Variants in MYCBP2 observed in about 807,000 individuals in gnomAD.
MYCBP2 encodes E3 ubiquitin-protein ligase MYCBP2.
MYCBP2 carries 120 observed loss-of-function variants against 525.3 expected under a neutral mutation model. The ratio of observed to expected loss-of-function variants is 0.23; its 90% CI spans 0.20 to 0.27. The LOEUF (loss-of-function observed/expected upper bound fraction) is 0.27, where lower values mean the gene tolerates loss of function less well. Ranked by LOEUF, MYCBP2 falls within the 10% of genes least tolerant of loss-of-function variation. The pLI, the probability that MYCBP2 is intolerant of heterozygous loss-of-function variation, is 1.00. For missense variants in MYCBP2, 4,149 were observed against 5,657.1 expected, an observed-to-expected ratio of 0.73 and a Z score of 8.55; for synonymous variants, 1,894 against 1,955.8, an observed-to-expected ratio of 0.97 and a Z score of 0.83.
At chr13:77,111,554 A>G (rs996420575) in intron 55 of MYCBP2, among the ~76,000 whole-genome samples, 3 of 150,828 alleles carry the variant, frequency 2.0e-5, no homozygotes, top group Admixed American at 6.7e-5. Flanking sequence ...GTAGCCAGGA[A>G]TATAGGTGCA....
At position 77,165,268 on chromosome 13, in the gene MYCBP2, C is replaced by T; in HGVS notation, c.6459+5G>A. The T allele has an allele frequency of 6.3e-7, 1 of 1,576,004 alleles. No homozygotes were observed. Among genetic ancestry groups the T allele is most frequent in the Non-Finnish European group, 8.7e-7 (1 of 1,148,994 alleles). On this transcript the variant is annotated splice_donor_5th_base_variant and intron_variant, in intron 42 of 82. Transcript: ENST00000544440. ...TAAAAGAATGAAAAGATAATTCATT[C>T]TTACCTCATCAGGTCCAGGGCTAAA...
chr13:77,175,103 G>A (rs28522795), intron 36 of MYCBP2, among the ~76,000 whole-genome samples: 107,597 of 147,400 alleles, frequency 0.73, 40,606 homozygotes, highest in Middle Eastern at 0.85. Context: ...TAATTTTTTA[G>A]GGTGTTTCTG....
chr13:77,166,358 C>A lies in MYCBP2; in HGVS notation c.6311G>T (p.Gly2104Val). 6.2e-7 allele frequency: 1 copy of A among 1,613,352 alleles called. No individual in the cohort carries two copies. The highest frequency in any genetic ancestry group is 8.5e-7 in the Non-Finnish European group (1 of 1,179,686). The change falls in exon 41 of 83, where the codon GGG becomes GTG. Residue 2104 changes from glycine (G) to valine (V), a missense_variant. This residue lies in a region of MYCBP2 where 692 missense variants were observed against 852.7 expected (regional missense o/e 0.81). Coordinates refer to ENST00000544440, the MANE Select transcript of MYCBP2 (RefSeq NM_015057.5). ...IELKKFSGSS[G>V]WPTMVLVLPG... ...CAACACCAAAACCATAGTAGGCCACCCAGAGGATCCTGAAAATTTCTTTAA... is the reference window on the plus strand; with the variant it reads ...CAACACCAAAACCATAGTAGGCCACACAGAGGATCCTGAAAATTTCTTTAA...
chr13:77,262,667 T>C (rs1170518923), intron 10 of MYCBP2, among the ~76,000 whole-genome samples: 1 of 151,948 alleles, frequency 6.6e-6, no homozygotes, highest in Non-Finnish European at 1.5e-5. Flanking sequence ...CTTATATAGC[T>C]ACTCCATCAA....
chr13:77,241,004 T>C (rs2068737718), intron 17 of MYCBP2, among the ~76,000 whole-genome samples: 1 of 152,226 alleles, frequency 6.6e-6, no homozygotes, highest in Non-Finnish European at 1.5e-5. Context: ...GGACTGCAGA[T>C]GAAACCTATT....
At chr13:77,228,055 TTA>T (rs550612805) in intron 18 of MYCBP2, among the ~76,000 whole-genome samples, 244 of 151,816 alleles carry the variant, frequency 1.6e-3, no homozygotes, top group Non-Finnish European at 2.6e-3. Context: ...AATATATATT[TTA>T]TATATATATC....
chr13:77,253,439 C>A (rs2071570316), intron 14 of MYCBP2, among the ~76,000 whole-genome samples: 1 of 151,852 alleles, frequency 6.6e-6, no homozygotes, highest in East Asian at 1.9e-4. Context: ...CAAAAATGAA[C>A]AATCTATAAC....
chr13:77,287,511 A>C (rs1240060980), intron 3 of MYCBP2, among the ~76,000 whole-genome samples: 1 of 152,158 alleles, frequency 6.6e-6, no homozygotes, highest in Non-Finnish European at 1.5e-5. Flanking sequence ...CTATTATAGA[A>C]ATACCAACTA....
chr13:77,059,826 C>A (rs79793712), intron 76 of MYCBP2, among the ~76,000 whole-genome samples, 200 bp from the exon 77 acceptor site: 4,480 of 152,148 alleles, frequency 0.029, 94 homozygotes, highest in East Asian at 0.053. Flanking sequence ...AATTAAAGAC[C>A]TATCTGAAGC....
intron 27 of MYCBP2, among the ~76,000 whole-genome samples, chr13:77,193,752 G>A (rs1481687203): frequency 1.3e-5 from 2 of 152,040 alleles, no homozygotes; most frequent in Non-Finnish European, 2.9e-5. Flanking sequence ...AGAGTACATG[G>A]GTAATCTGAA....
In MYCBP2 at chr13:77,098,644, G is replaced by T; in HGVS notation, c.8510C>A (p.Ala2837Asp). 6.2e-7 allele frequency: 1 copy of T among 1,613,652 alleles called. No individual in the cohort carries two copies. The highest frequency in any genetic ancestry group is 8.5e-7 in the Non-Finnish European group (1 of 1,179,774). ...TGGTGAGGAGGAGCGTGGAGAACTA[G>T]CACCCGATGGGCTAGACCTATTGGC... ...LPANRSSPSG[A>D]SSPRSSSPHD... Residue 2837 changes from alanine to aspartate, a missense_variant, in exon 56 of 83, where the codon GCT (alanine) becomes GAT (aspartate). This residue lies in a region of MYCBP2 where 653 missense variants were observed against 744.7 expected (regional missense o/e 0.88). Transcript: ENST00000544440.
intron 19 of MYCBP2, among the ~76,000 whole-genome samples, chr13:77,224,828 T>C (rs905924147): frequency 6.6e-6 from 1 of 152,178 alleles, no homozygotes; most frequent in Non-Finnish European, 1.5e-5. Flanking sequence ...TAAAATCTTC[T>C]TAATAATGAG....
chr13:77,294,589 G>C (rs2077972887), intron 2 of MYCBP2, among the ~76,000 whole-genome samples: 1 of 151,968 alleles, frequency 6.6e-6, no homozygotes, highest in African/African-American at 2.4e-5. Flanking sequence ...CACCACTTCA[G>C]GAAAATCACC....
At chr13:77,066,638 G>C (rs1174668961) in intron 71 of MYCBP2, among the ~76,000 whole-genome samples, 1 of 152,180 alleles carries the variant, frequency 6.6e-6, no homozygotes, top group Non-Finnish European at 1.5e-5. Context: ...TTTAGAAGTA[G>C]AATTGGTAGG....
At chr13:77,070,575 C>CAA (rs1265991884) in intron 69 of MYCBP2, 56 bp downstream of exon 69, 14 of 692,004 alleles carry the variant, frequency 2.0e-5, no homozygotes, top group East Asian at 4.8e-5. Flanking sequence ...AACAAACAAA[C>CAA]ACACACACAC....
At chr13:77,107,971 T>G (rs1040731097) in intron 55 of MYCBP2, among the ~76,000 whole-genome samples, 2 of 152,104 alleles carry the variant, frequency 1.3e-5, no homozygotes, top group African/African-American at 4.8e-5. Context: ...TACATAAATG[T>G]TGGTATACTA....
intron 1 of MYCBP2, among the ~76,000 whole-genome samples, chr13:77,316,086 GTAA>G (rs1173682768): frequency 6.6e-6 from 1 of 151,996 alleles, no homozygotes; most frequent in Non-Finnish European, 1.5e-5. Context: ...GGAGAATTAA[GTAA>G]TTGGAATAAA....
intron 48 of MYCBP2, 129 bp from the exon 49 acceptor site, chr13:77,144,689 G>A (rs962672586): frequency 3.0e-6 from 2 of 675,316 alleles, no homozygotes; most frequent in South Asian, 3.5e-5. Context: ...GCCATAGTAC[G>A]CTTGCCTACT....
At chr13:77,323,222 T>C (rs1218511675) in intron 1 of MYCBP2, among the ~76,000 whole-genome samples, 1 of 152,188 alleles carries the variant, frequency 6.6e-6, no homozygotes, top group Non-Finnish European at 1.5e-5. Context: ...AAAACCAGGA[T>C]GCAAAACCAG....
Sources: allele counts gnomAD v4.1 joint callset (sites outside exome capture counted in the v4.1 genomes callset), GRCh38; gene constraint gnomAD v4.1.1; regional missense constraint gnomAD v4.1.1; transcripts MANE v1.5; gene names NCBI Gene and HGNC (gene_info 2026-07-23, HGNC 2026-07-21).